Variants in ANTXR1 observed in about 807,000 individuals in gnomAD.
ANTXR1 encodes anthrax toxin receptor 1.
Under a neutral mutation model 78.1 loss-of-function variants are expected in ANTXR1, and 19 were observed. The ratio of observed to expected loss-of-function variants is 0.24; its 90% CI spans 0.17 to 0.36. The LOEUF is 0.36. Among genes scored for constraint, ANTXR1 ranks in the 10% least tolerant of loss-of-function variants. The pLI, the probability that ANTXR1 is intolerant of heterozygous loss-of-function variation, is 1.00. For synonymous variants in ANTXR1, 273 were observed against 260.5 expected, an observed-to-expected ratio of 1.05 and a Z score of -0.46; for missense variants, 518 against 718.6, an observed-to-expected ratio of 0.72 and a Z score of 3.19.
rs1038073488 is a variant in ANTXR1 at position 69,088,602 on chromosome 2, A to T, written c.643-2257A>T. The stretch of plus-strand genomic sequence containing the variant: ...ACCACTGGCTGAAGTACCCCATCAA[A>T]CAGGAAGAGCCCAAGAGCAGCAAGT... On this transcript the variant is annotated intron_variant, in intron 8 of 17. Coordinates refer to ENST00000303714, the MANE Select transcript of ANTXR1 (RefSeq NM_032208.3). Among the ~76,000 whole-genome samples the T allele has an allele frequency of 2.6e-5, 4 of 152,136 alleles. No homozygotes were observed. In the South Asian group the frequency reaches 8.3e-4, roughly 31 times the overall value.
intron 10 of ANTXR1, among the ~76,000 whole-genome samples, chr2:69,105,902 C>T (rs1671791983): frequency 6.6e-6 from 1 of 152,170 alleles, no homozygotes; most frequent in Non-Finnish European, 1.5e-5. Flanking sequence ...ACCTCAGGAT[C>T]TTCAGCAAAT....
At chr2:69,215,677 C>T (rs2104503866) in intron 17 of ANTXR1, among the ~76,000 whole-genome samples, 1 of 152,258 alleles carries the variant, frequency 6.6e-6, no homozygotes, top group East Asian at 1.9e-4. Context: ...TCAATATTTG[C>T]CCCCAGTAGA....
intron 17 of ANTXR1, among the ~76,000 whole-genome samples, chr2:69,194,408 G>A (rs1039147040): frequency 1.3e-5 from 2 of 152,164 alleles, no homozygotes; most frequent in Non-Finnish European, 2.9e-5. Context: ...GGTTTGAACC[G>A]CCTTTCCTTC....
In ANTXR1 at chr2:69,107,123, C is replaced by T. The variant is rs968229047; in HGVS notation, c.802+4183C>T. Reference sequence around the variant, plus strand: ...ATTTGAGGAAATTTCATCCCCCCCCCGAACGAAAGCACCACATCCAGATTT... The same window carrying T: ...ATTTGAGGAAATTTCATCCCCCCCCTGAACGAAAGCACCACATCCAGATTT... On this transcript the variant is annotated intron_variant, in intron 10 of 17. Coordinates refer to ENST00000303714, the MANE Select transcript of ANTXR1 (RefSeq NM_032208.3). 2.6e-5 allele frequency among the ~76,000 whole-genome samples: 4 copies of T among 152,112 alleles called. No homozygotes were observed. In the East Asian group the frequency reaches 7.7e-4, roughly 29 times the overall value.
chr2:69,207,767 C>T (rs914057502), intron 17 of ANTXR1, among the ~76,000 whole-genome samples: 2 of 152,110 alleles, frequency 1.3e-5, no homozygotes, highest in African/African-American at 4.8e-5. Flanking sequence ...CCACATTCAG[C>T]GGTTCCCAAG....
chr2:69,026,236 T>G (rs776332563), intron 1 of ANTXR1, among the ~76,000 whole-genome samples: 1 of 152,244 alleles, frequency 6.6e-6, no homozygotes, highest in Non-Finnish European at 1.5e-5. Flanking sequence ...TGGACAAGCA[T>G]GGACTTCAAC....
At chr2:69,023,896 A>G (rs1671268819) in intron 1 of ANTXR1, among the ~76,000 whole-genome samples, 1 of 152,226 alleles carries the variant, frequency 6.6e-6, no homozygotes, top group Non-Finnish European at 1.5e-5. Context: ...CATTTAGGAA[A>G]GCAAACTAAC....
intron 1 of ANTXR1, among the ~76,000 whole-genome samples, chr2:69,037,506 G>C (rs1444728541): frequency 6.6e-6 from 1 of 152,086 alleles, no homozygotes; most frequent in Non-Finnish European, 1.5e-5. Context: ...TTTCCCTCTT[G>C]TTGCCTAGGC....
At chr2:69,064,701 A>G (rs1390169239) in intron 3 of ANTXR1, among the ~76,000 whole-genome samples, 1 of 152,248 alleles carries the variant, frequency 6.6e-6, no homozygotes, top group Non-Finnish European at 1.5e-5. Flanking sequence ...GTTAGAATGG[A>G]TATTAGACAA....
chr2:69,181,723 T>C, intron 14 of ANTXR1, 63 bp from the exon 15 acceptor site: 3 of 1,477,656 alleles, frequency 2.0e-6, no homozygotes, highest in Non-Finnish European at 1.9e-6. Flanking sequence ...CACTTGGCTG[T>C]AGTAGGCAGG....
In ANTXR1 at chr2:69,221,425, T is replaced by C. The variant is rs79592562; in HGVS notation, c.1435-23800T>C. Among the ~76,000 whole-genome samples, 413 of 152,304 alleles carry C rather than the reference T, an allele frequency of 2.7e-3. 1 individual carries two copies. The highest frequency in any genetic ancestry group is 9.6e-3 in the African/African-American group (400 of 41,554). On this transcript the variant is annotated intron_variant, in intron 17 of 17. Coordinates refer to ENST00000303714, the MANE Select transcript of ANTXR1 (RefSeq NM_032208.3). Reference sequence around the variant, plus strand: ...TTTGTCCCTATATCATAATTCAGCTTTCATTTGAGTGAGAGTAAAAGGGGA... The same window carrying C: ...TTTGTCCCTATATCATAATTCAGCTCTCATTTGAGTGAGAGTAAAAGGGGA...
chr2:69,182,376 A>G, intron 15 of ANTXR1, 117 bp from the exon 16 acceptor site: 2 of 1,303,234 alleles, frequency 1.5e-6, no homozygotes, highest in Non-Finnish European at 1.1e-6. Flanking sequence ...CTCAAAACCC[A>G]AAGGAATCCA....
intron 17 of ANTXR1, among the ~76,000 whole-genome samples, chr2:69,212,961 C>G (rs1245957670): frequency 4.1e-5 from 4 of 98,064 alleles, no homozygotes; most frequent in Non-Finnish European, 2.0e-5. Flanking sequence ...TGCACATCAC[C>G]TTTTTTTTTT....
intron 3 of ANTXR1, among the ~76,000 whole-genome samples, chr2:69,054,488 A>G (rs998595293): frequency 6.6e-6 from 1 of 152,206 alleles, no homozygotes; most frequent in Non-Finnish European, 1.5e-5. Context: ...GTAAAGAGGT[A>G]GCATCAGCAT....
At chr2:69,231,875 C>T (rs1675606126) in intron 17 of ANTXR1, among the ~76,000 whole-genome samples, 1 of 152,180 alleles carries the variant, frequency 6.6e-6, no homozygotes, top group South Asian at 2.1e-4. Flanking sequence ...ATATTCAAAA[C>T]AATCACAGCC....
chr2:69,013,763 C>T lies in ANTXR1; in HGVS notation c.152+112C>T. 6.6e-7 allele frequency: 1 copy of T among 1,511,394 alleles called. No homozygotes were observed. The highest frequency in any genetic ancestry group is 9.0e-7 in the Non-Finnish European group (1 of 1,113,058). The allele number at this position is 1,511,394 out of a possible 1,614,324, so 93.6% of individuals were successfully genotyped here. On this transcript the variant is annotated intron_variant, in intron 1 of 17. Coordinates refer to ENST00000303714, the MANE Select transcript of ANTXR1 (RefSeq NM_032208.3). This position sits in a 1 kb window ranked among gnomAD's most constrained non-coding sequence, Gnocchi z 5.0. ...TGGGGACAGGAGCGCATCTCCAGGG[C>T]CACAGAGGGACCGCGCGGCAGGCGG...
chr2:69,208,196 CT>C (rs1674953719), intron 17 of ANTXR1, among the ~76,000 whole-genome samples: 1 of 152,200 alleles, frequency 6.6e-6, no homozygotes. Context: ...GGACCCACCC[CT>C]GTTTGCCTAG....
chr2:69,033,173 G>A (rs1169295659), intron 1 of ANTXR1, among the ~76,000 whole-genome samples: 1 of 152,228 alleles, frequency 6.6e-6, no homozygotes, highest in Non-Finnish European at 1.5e-5. Flanking sequence ...AGCAGAGCGG[G>A]CAGCCCCAAC....
intron 11 of ANTXR1, among the ~76,000 whole-genome samples, chr2:69,123,509 T>G (rs1463196922): frequency 1.3e-5 from 2 of 152,138 alleles, no homozygotes; most frequent in Non-Finnish European, 2.9e-5. Context: ...ATCTCCTCCT[T>G]AGAGAAAGGG....
Sources: gnomAD v4.1 joint callset for allele counts (sites outside exome capture counted in the v4.1 genomes callset) on GRCh38, gnomAD v4.1.1 for gene constraint, Gnocchi (gnomAD v3.1) non-coding constraint, MANE v1.5 for transcripts, NCBI Gene and HGNC (gene_info 2026-07-23, HGNC 2026-07-21) for gene names.